The following SPHKAP variants were observed in gnomAD, a reference collection of about 807,000 sequenced individuals.
The protein encoded by SPHKAP is SPHK1 interactor, AKAP domain containing, also known as A-kinase anchor protein SPHKAP.
Under a neutral mutation model 137.5 loss-of-function variants are expected in SPHKAP, and 67 were observed. That is an observed-to-expected ratio of 0.49 (90% CI 0.40 to 0.60). SPHKAP has a LOEUF of 0.60. Ranked by LOEUF, SPHKAP falls within the 20% of genes least tolerant of loss-of-function variation. The probability of loss-of-function intolerance (pLI) is 0.00; values close to 1 mark genes in which losing one functional copy is unlikely to be tolerated. For missense variants in SPHKAP, 2,097 were observed against 2,069.3 expected (o/e 1.01, Z -0.26); for synonymous variants, 813 against 785.3 (o/e 1.04, Z -0.59).
chr2:228,155,238 G>A (rs774552379), intron 1 of SPHKAP, among the ~76,000 whole-genome samples: 11 of 150,920 alleles, frequency 7.3e-5, no homozygotes, highest in Non-Finnish European at 1.5e-4. Flanking sequence ...TTTTTTTTGG[G>A]TGAGACAAAA....
intron 3 of SPHKAP, among the ~76,000 whole-genome samples, chr2:228,087,466 G>A (rs1309730479): frequency 6.6e-6 from 1 of 152,106 alleles, no homozygotes; most frequent in Non-Finnish European, 1.5e-5. Context: ...ACTGTGAGAT[G>A]TCAGCTTTAA....
chr2:228,016,898 C>A lies in SPHKAP; in HGVS notation c.3956G>T (p.Arg1319Leu), dbSNP rs747530276. Residue 1319 changes from arginine to leucine, a missense_variant, in exon 7 of 12, where the codon CGC (arginine) becomes CTC (leucine). Arg to Leu is a moderately radical substitution (Grantham distance 102). Transcript: ENST00000392056. ...ATCATCCACAATGATTTTGTTCTTG[C>A]GCATGAGAGCCTCAATGGAGCTAGC... ...TWASSIEALMRKNKIIVDDAE... is the reference protein window; with the variant it reads ...TWASSIEALMLKNKIIVDDAE... The A allele has an allele frequency of 9.3e-6, 15 of 1,613,936 alleles. No homozygotes were observed. Among genetic ancestry groups the A allele is most frequent in the Non-Finnish European group, 1.2e-5 (14 of 1,180,010 alleles).
At chr2:228,161,346 G>A (rs1016701817) in intron 1 of SPHKAP, among the ~76,000 whole-genome samples, 1 of 152,262 alleles carries the variant, frequency 6.6e-6, no homozygotes, top group Non-Finnish European at 1.5e-5. Flanking sequence ...GCAGATGTAA[G>A]TGGGAGGCTA....
intron 1 of SPHKAP, among the ~76,000 whole-genome samples, chr2:228,151,992 A>C (rs1574898923): frequency 6.6e-6 from 1 of 152,176 alleles, no homozygotes; most frequent in South Asian, 2.1e-4. Context: ...GTAGCTCTGC[A>C]TGCTAGTGAA....
chr2:228,092,385 A>T (rs1697802731), intron 3 of SPHKAP, among the ~76,000 whole-genome samples: 1 of 121,994 alleles, frequency 8.2e-6, no homozygotes, highest in African/African-American at 3.1e-5. Flanking sequence ...AGATATACAT[A>T]TATACATATA....
At chr2:228,150,556 A>G (rs1215958665) in intron 1 of SPHKAP, among the ~76,000 whole-genome samples, 1 of 152,080 alleles carries the variant, frequency 6.6e-6, no homozygotes, top group African/African-American at 2.4e-5. Flanking sequence ...TTATGTATCA[A>G]CATAACATTT....
intron 3 of SPHKAP, among the ~76,000 whole-genome samples, chr2:228,031,732 C>T (rs1695331526): frequency 6.6e-6 from 1 of 151,838 alleles, no homozygotes; most frequent in Non-Finnish European, 1.5e-5. Flanking sequence ...TCTACAGCCA[C>T]CGCTGTTCTG....
intron 3 of SPHKAP, among the ~76,000 whole-genome samples, chr2:228,067,287 G>A (rs1401751372): frequency 6.6e-6 from 1 of 152,162 alleles, no homozygotes; most frequent in Non-Finnish European, 1.5e-5. Flanking sequence ...ACTGATGACT[G>A]CTCTCAATTG....
rs1339012545 is a variant in SPHKAP, at chr2:228,149,177, C to T, written c.33-17092G>A. On this transcript the variant is annotated intron_variant, in intron 1 of 11. Coordinates refer to ENST00000392056, the MANE Select transcript of SPHKAP (RefSeq NM_001142644.2). ...ATTTTAAGACCACATAATTTATGAA[C>T]ATTTATTTCAGCTTTTTTGTATGAC... 5.3e-5 allele frequency among the ~76,000 whole-genome samples: 8 copies of T among 152,244 alleles called. No individual in the cohort carries two copies. In the East Asian group the frequency reaches 1.5e-3, roughly 29 times the overall value.
intron 3 of SPHKAP, among the ~76,000 whole-genome samples, chr2:228,061,075 A>T (rs1696615922): frequency 6.6e-6 from 1 of 152,070 alleles, no homozygotes; most frequent in African/African-American, 2.4e-5. Flanking sequence ...TGTGCTCCAG[A>T]TGTAATATGT....
At position 228,038,033 on chromosome 2, in the gene SPHKAP, T is replaced by G. The variant is rs145864931; in HGVS notation, c.247-10490A>C. The stretch of plus-strand genomic sequence containing the variant: ...GAGCTGGGGAGTGGTGAGCCTGGAT[T>G]AGGAGGCTTTGATGAGGAGACTGAA... On this transcript the variant is annotated intron_variant, in intron 3 of 11. Transcript: ENST00000392056. Among the ~76,000 whole-genome samples, 487 of 152,274 alleles carry G rather than the reference T, an allele frequency of 3.2e-3. 1 individual carries two copies. The highest frequency in any genetic ancestry group is 5.1e-3 in the Non-Finnish European group (348 of 68,008).
At chr2:228,050,163 T>C (rs1260614084) in intron 3 of SPHKAP, among the ~76,000 whole-genome samples, 1 of 152,196 alleles carries the variant, frequency 6.6e-6, no homozygotes, top group African/African-American at 2.4e-5. Context: ...TCAGTCAGAA[T>C]AGCTATTATT....
At chr2:228,147,687 C>T (rs1357934208) in intron 1 of SPHKAP, among the ~76,000 whole-genome samples, 1 of 152,184 alleles carries the variant, frequency 6.6e-6, no homozygotes, top group Admixed American at 6.5e-5. Flanking sequence ...ATTCACTTTA[C>T]AAGCTTTGTT....
At chr2:228,047,594 C>CCATT (rs139508846) in intron 3 of SPHKAP, among the ~76,000 whole-genome samples, 129 of 152,200 alleles carry the variant, frequency 8.5e-4, no homozygotes, top group African/African-American at 2.6e-3. Context: ...TAATTTGTGT[C>CCATT]CATTCATTCA....
chr2:227,990,873 A>G, intron 11 of SPHKAP, 127 bp downstream of exon 11: 2 of 955,156 alleles, frequency 2.1e-6, no homozygotes, highest in Non-Finnish European at 3.1e-6. Flanking sequence ...TCTAGCCGCA[A>G]TTTTAAGATC....
chr2:228,036,116 T>A (rs1456935443), intron 3 of SPHKAP, among the ~76,000 whole-genome samples: 2 of 147,862 alleles, frequency 1.4e-5, no homozygotes, highest in Non-Finnish European at 3.0e-5. Context: ...TGGGAGAAAA[T>A]TTTTGCAATC....
chr2:228,180,075 A>AT (rs931289103), intron 1 of SPHKAP, among the ~76,000 whole-genome samples: 49 of 152,028 alleles, frequency 3.2e-4, no homozygotes, highest in African/African-American at 7.5e-4. Context: ...ATCACTGGCA[A>AT]TTTTTTTTAA....
At chr2:228,032,972 A>C (rs1391365059) in intron 3 of SPHKAP, among the ~76,000 whole-genome samples, 2 of 152,216 alleles carry the variant, frequency 1.3e-5, no homozygotes, top group Non-Finnish European at 2.9e-5. Flanking sequence ...TGCATCAACT[A>C]ACGAGCAAAA....
intron 2 of SPHKAP, among the ~76,000 whole-genome samples, chr2:228,123,573 A>C (rs978803191): frequency 6.6e-6 from 1 of 152,206 alleles, no homozygotes; most frequent in Admixed American, 6.5e-5. Context: ...CATCATGTGA[A>C]TATCTAGCTT....
Sources: allele counts gnomAD v4.1 joint callset (sites outside exome capture counted in the v4.1 genomes callset), GRCh38; gene constraint gnomAD v4.1.1; transcripts MANE v1.5; gene names NCBI Gene and HGNC (gene_info 2026-07-23, HGNC 2026-07-21).